ATG10: variants seen among roughly 807,000 people sequenced by gnomAD.
ATG10 encodes autophagy related 10, also known as ubiquitin-like-conjugating enzyme ATG10.
Under a neutral mutation model 32.1 loss-of-function variants are expected in ATG10, and 30 were observed. The ratio of observed to expected loss-of-function variants is 0.94; its 90% confidence interval spans 0.70 to 1.27. The LOEUF is 1.27. Ranked by LOEUF, ATG10 falls within the 50% of genes most tolerant of loss-of-function variation. The pLI, the probability that ATG10 is intolerant of heterozygous loss-of-function variation, is 0.00. For missense variants in ATG10, 233 were observed against 262.3 expected (o/e 0.89, Z 0.77); for synonymous variants, 87 against 91.5 (o/e 0.95, Z 0.28).
At chr5:81,982,786 A>G (rs915815413) in intron 1 of ATG10, among the ~76,000 whole-genome samples, 27 of 152,218 alleles carry the variant, frequency 1.8e-4, no homozygotes, top group African/African-American at 6.3e-4. Context: ...TGCTGCCCTC[A>G]AGCATCTGTT....
intron 5 of ATG10, among the ~76,000 whole-genome samples, chr5:82,199,280 T>G (rs933700457): frequency 6.6e-6 from 1 of 152,240 alleles, no homozygotes; most frequent in Non-Finnish European, 1.5e-5. Context: ...CTTGGTAGAA[T>G]TTGTGTGCTT....
intron 3 of ATG10, among the ~76,000 whole-genome samples, chr5:82,130,588 G>C (rs959092576): frequency 6.6e-6 from 1 of 151,950 alleles, no homozygotes; most frequent in African/African-American, 2.4e-5. Flanking sequence ...GCTTTCCTTG[G>C]CTAGGGGAGT....
intron 2 of ATG10, among the ~76,000 whole-genome samples, chr5:82,030,993 A>G (rs1277168605): frequency 6.6e-6 from 1 of 152,114 alleles, no homozygotes; most frequent in African/African-American, 2.4e-5. Context: ...CATTATTATT[A>G]TTATTATCAT....
At chr5:82,153,716 T>A (rs1190796867) in intron 3 of ATG10, among the ~76,000 whole-genome samples, 1 of 152,128 alleles carries the variant, frequency 6.6e-6, no homozygotes, top group South Asian at 2.1e-4. Flanking sequence ...GGAGGTAAAA[T>A]TTTATGTACT....
At chr5:82,138,471 C>T (rs1039953960) in intron 3 of ATG10, among the ~76,000 whole-genome samples, 3 of 152,160 alleles carry the variant, frequency 2.0e-5, no homozygotes, top group Non-Finnish European at 2.9e-5. Flanking sequence ...CTTTCCTTGG[C>T]TAGGGGAGTG....
chr5:82,148,656 C>A (rs1767461026), intron 3 of ATG10, among the ~76,000 whole-genome samples: 1 of 152,164 alleles, frequency 6.6e-6, no homozygotes, highest in African/African-American at 2.4e-5. Flanking sequence ...CACTTCCTCA[C>A]CACAAGTTCA....
At chr5:82,186,621 T>A (rs911324474) in intron 5 of ATG10, among the ~76,000 whole-genome samples, 2 of 143,398 alleles carry the variant, frequency 1.4e-5, no homozygotes, top group African/African-American at 5.2e-5. Flanking sequence ...TCAGACAGAG[T>A]CTTGCTCTGT....
At chr5:82,024,748 G>T (rs1292858992) in intron 2 of ATG10, among the ~76,000 whole-genome samples, 4 of 152,190 alleles carry the variant, frequency 2.6e-5, no homozygotes, top group Non-Finnish European at 4.4e-5. Context: ...GACCCTGAAT[G>T]GTTAATAAGC....
chr5:82,022,720 C>G (rs1762479378), intron 2 of ATG10, among the ~76,000 whole-genome samples: 1 of 151,272 alleles, frequency 6.6e-6, no homozygotes, highest in African/African-American at 2.4e-5. Flanking sequence ...AATTTAACCC[C>G]ACAATATCTC....
At chr5:82,196,231 G>GT (rs906046900) in intron 5 of ATG10, among the ~76,000 whole-genome samples, 9 of 151,774 alleles carry the variant, frequency 5.9e-5, no homozygotes, top group Non-Finnish European at 1.0e-4. Flanking sequence ...TTTAAAATTA[G>GT]TTTTTTTTCA....
chr5:82,040,078 C>T (rs1467245580), intron 2 of ATG10, among the ~76,000 whole-genome samples: 4 of 152,076 alleles, frequency 2.6e-5, no homozygotes, highest in Non-Finnish European at 5.9e-5. Context: ...GCTCCAAACA[C>T]GAATCCAGAA....
chr5:82,186,592 AT>A (rs11287973), intron 5 of ATG10, among the ~76,000 whole-genome samples: 83,070 of 112,278 alleles, frequency 0.74, 30,070 homozygotes, highest in East Asian at 0.92. Context: ...TTCCATATTC[AT>A]TTTTTTTTTT....
chr5:82,242,871 T>A, intron 5 of ATG10: 1 of 446,566 alleles, frequency 2.2e-6, no homozygotes, highest in Non-Finnish European at 4.5e-6. Flanking sequence ...TGCTGACACA[T>A]AGGGAAAAAT....
intron 3 of ATG10, among the ~76,000 whole-genome samples, chr5:82,127,710 T>G (rs1372614504): frequency 6.6e-6 from 1 of 152,122 alleles, no homozygotes; most frequent in African/African-American, 2.4e-5. Context: ...ATTATGTGGT[T>G]GATTTTAGAA....
intron 3 of ATG10, chr5:82,073,770 T>C (rs181209789): frequency 1.2e-3 from 187 of 152,348 alleles, no homozygotes; most frequent in African/African-American, 4.3e-3. Context: ...GACACCTCAA[T>C]TGGAGAAAGA....
At chr5:81,974,024 G>C (rs1030960573) in intron 1 of ATG10, among the ~76,000 whole-genome samples, 1 of 152,144 alleles carries the variant, frequency 6.6e-6, no homozygotes, top group Non-Finnish European at 1.5e-5. Flanking sequence ...ACTACATGTC[G>C]ACAGTAGTTC....
intron 2 of ATG10, among the ~76,000 whole-genome samples, chr5:82,048,804 C>G (rs1287754650): frequency 6.6e-6 from 1 of 152,190 alleles, no homozygotes; most frequent in Non-Finnish European, 1.5e-5. Context: ...ACAATGCTCA[C>G]CATCACTGGC....
intron 3 of ATG10, among the ~76,000 whole-genome samples, chr5:82,081,315 T>G (rs1187490460): frequency 1.3e-5 from 2 of 152,216 alleles, no homozygotes; most frequent in Non-Finnish European, 2.9e-5. Flanking sequence ...CAGGGACAAT[T>G]TGACTTCCTC....
At chr5:82,116,731 C>G (rs527270732) in intron 3 of ATG10, among the ~76,000 whole-genome samples, 11 of 152,208 alleles carry the variant, frequency 7.2e-5, no homozygotes, top group African/African-American at 2.6e-4. Context: ...ATTCCAATGT[C>G]TTCAAGCCAA....
Sources: allele counts gnomAD v4.1 joint callset (sites outside exome capture counted in the v4.1 genomes callset), GRCh38; gene constraint gnomAD v4.1.1; transcripts MANE v1.5; gene names NCBI Gene and HGNC (gene_info 2026-07-23, HGNC 2026-07-21).